ZSWIM5: variants seen among roughly 807,000 people sequenced by gnomAD.
ZSWIM5 encodes the protein zinc finger SWIM domain-containing protein 5.
ZSWIM5 carries 55 observed loss-of-function variants against 119.6 expected under a neutral mutation model. The ratio of observed to expected loss-of-function variants is 0.46; its 90% CI spans 0.37 to 0.58. The LOEUF (loss-of-function observed/expected upper bound fraction) is 0.58. Among genes scored for constraint, ZSWIM5 ranks in the 20% least tolerant of loss-of-function variants. ZSWIM5 has a pLI of 0.00. For synonymous variants in ZSWIM5, 537 were observed against 606.9 expected (o/e 0.88, Z 1.69); for missense variants, 1,193 against 1,512.8 (o/e 0.79, Z 3.51).
chr1:45,179,873 G>C (rs1646004541), intron 1 of ZSWIM5, among the ~76,000 whole-genome samples: 1 of 152,134 alleles, frequency 6.6e-6, no homozygotes, highest in African/African-American at 2.4e-5. Context: ...CCTTATAAGA[G>C]GGAGGCAAGA....
chr1:45,079,228 C>T lies in ZSWIM5; in HGVS notation c.952+8653G>A, dbSNP rs1570068685. 2.6e-5 allele frequency among the ~76,000 whole-genome samples: 4 copies of T among 151,956 alleles called. No homozygotes were observed. In the South Asian group the frequency reaches 8.3e-4, roughly 32 times the overall value. ...TACCTACCCAAATCTTATAAAACGG[C>T]CCCACCCCTATCTCCCTTCACTGAC... is the stretch of plus-strand genomic sequence containing the variant. On this transcript the variant is annotated intron_variant, in intron 2 of 13. Coordinates refer to ENST00000359600, the MANE Select transcript of ZSWIM5 (RefSeq NM_020883.2).
At chr1:45,091,878 A>C (rs557402209) in intron 1 of ZSWIM5, among the ~76,000 whole-genome samples, 41 of 152,122 alleles carry the variant, frequency 2.7e-4, no homozygotes, top group Admixed American at 4.6e-4. Context: ...TTATCTTAGT[A>C]GGATGTAAGG....
chr1:45,085,150 C>T (rs535035516), intron 2 of ZSWIM5, among the ~76,000 whole-genome samples: 1 of 152,374 alleles, frequency 6.6e-6, no homozygotes, highest in East Asian at 1.9e-4. Flanking sequence ...AGGCTTATGG[C>T]TTGCACCCTC....
At position 45,019,355 on chromosome 1, in the gene ZSWIM5, G is replaced by A. The variant is rs1456340870; in HGVS notation, c.2696-39C>T. The A allele has an allele frequency of 6.3e-7, 1 of 1,582,140 alleles. No homozygotes were observed. The highest frequency in any genetic ancestry group is 8.6e-7 in the Non-Finnish European group (1 of 1,167,852). ...CCTGAGCTCAGCCGTGGCCATCTGGGTCCTGATTCAGGTCTACCCAGATTA... is the reference window on the plus strand; with the variant it reads ...CCTGAGCTCAGCCGTGGCCATCTGGATCCTGATTCAGGTCTACCCAGATTA... On this transcript the variant is annotated intron_variant, in intron 13 of 13. Transcript: ENST00000359600. This position sits in a 1 kb window ranked among gnomAD's most constrained non-coding sequence, Gnocchi z 5.0.
intron 1 of ZSWIM5, among the ~76,000 whole-genome samples, chr1:45,142,026 T>C (rs935436003): frequency 2.6e-5 from 4 of 152,042 alleles, no homozygotes; most frequent in Non-Finnish European, 1.5e-5. Context: ...CAAGGCAACA[T>C]GGTGAAACTT....
At chr1:45,200,242 A>C (rs1646150853) in intron 1 of ZSWIM5, among the ~76,000 whole-genome samples, 1 of 152,222 alleles carries the variant, frequency 6.6e-6, no homozygotes, top group Non-Finnish European at 1.5e-5. Context: ...ATATGATTAC[A>C]AAAACTATCG....
At chr1:45,061,597 C>A (rs568466043) in intron 2 of ZSWIM5, among the ~76,000 whole-genome samples, 1 of 151,742 alleles carries the variant, frequency 6.6e-6, no homozygotes, top group South Asian at 2.1e-4. Flanking sequence ...TCTCAAACTC[C>A]TGGCCTCAAG....
At chr1:45,182,228 C>A (rs1384531235) in intron 1 of ZSWIM5, among the ~76,000 whole-genome samples, 2 of 151,878 alleles carry the variant, frequency 1.3e-5, no homozygotes, top group East Asian at 3.9e-4. Context: ...CACGGTGAAA[C>A]CCCGTCTCTA....
chr1:45,136,140 C>A (rs377598579), intron 1 of ZSWIM5, among the ~76,000 whole-genome samples: 1 of 151,952 alleles, frequency 6.6e-6, no homozygotes, highest in Non-Finnish European at 1.5e-5. Flanking sequence ...GGATTACAGG[C>A]GTGAGCCACT....
chr1:45,121,216 G>T (rs12124925), intron 1 of ZSWIM5, among the ~76,000 whole-genome samples: 1 of 152,112 alleles, frequency 6.6e-6, no homozygotes, highest in East Asian at 1.9e-4. Context: ...CTCCCAAAGT[G>T]TTCGGATTAC....
chr1:45,131,340 T>C (rs1055170719), intron 1 of ZSWIM5, among the ~76,000 whole-genome samples: 11 of 152,174 alleles, frequency 7.2e-5, no homozygotes, highest in African/African-American at 2.4e-4. Context: ...AAAAAACATA[T>C]AATGCTTATA....
intron 1 of ZSWIM5, among the ~76,000 whole-genome samples, chr1:45,180,214 C>T (rs1329744387): frequency 6.6e-6 from 1 of 152,126 alleles, no homozygotes; most frequent in Non-Finnish European, 1.5e-5. Context: ...CCTGGAAAAT[C>T]GGGCCACTCC....
At chr1:45,159,029 T>C (rs1259214667) in intron 1 of ZSWIM5, among the ~76,000 whole-genome samples, 1 of 152,206 alleles carries the variant, frequency 6.6e-6, no homozygotes, top group Non-Finnish European at 1.5e-5. Context: ...AATGACATGC[T>C]ACTGCAAATA....
chr1:45,162,863 T>C (rs570211794), intron 1 of ZSWIM5, among the ~76,000 whole-genome samples: 12 of 152,348 alleles, frequency 7.9e-5, no homozygotes, highest in African/African-American at 2.9e-4. Context: ...CAAGGAGGCC[T>C]GCCTGCCTCT....
rs1301143970 is a variant in ZSWIM5, at chr1:45,087,759, C to T, written c.952+122G>A. On this transcript the variant is annotated intron_variant, in intron 2 of 13. Transcript: ENST00000359600. ...AATGATTAAAGTTAAGTGATTGCAA[C>T]TGCAGAAATATCCCAACCTCTTAAC... 4.2e-6 allele frequency: 3 copies of T among 715,338 alleles called. No individual in the cohort carries two copies. The East Asian group carries it at 7.4e-5, about 18-fold the overall frequency. 44.3% of individuals were successfully genotyped at this position (715,338 alleles called of 1,614,324 possible).
chr1:45,088,029 G>A lies in ZSWIM5; in HGVS notation c.804C>T (p.Ile268=). ...KPDQVKLRLP[I]SETLFQMNRD... is the part of the protein sequence containing the mutation. ...TATTCATCTGGAAAAGGGTTTCGGAGATAGGAAGACGCAATTTGACTTGGT... is the reference window on the plus strand; with the variant it reads ...TATTCATCTGGAAAAGGGTTTCGGAAATAGGAAGACGCAATTTGACTTGGT... Residue 268 remains isoleucine (I), a synonymous_variant, in exon 2 of 14, where the codon ATC becomes ATT. Transcript: ENST00000359600. The surrounding 1 kb of genome is among the most constrained non-coding windows in gnomAD (Gnocchi z 4.2). 1 of 1,614,206 alleles carries A rather than the reference G, an allele frequency of 6.2e-7. No homozygotes were observed. The highest frequency in any genetic ancestry group is 1.1e-5 in the South Asian group (1 of 91,084).
intron 1 of ZSWIM5, among the ~76,000 whole-genome samples, chr1:45,151,747 A>G (rs937153803): frequency 2.6e-5 from 4 of 151,854 alleles, no homozygotes; most frequent in Admixed American, 2.0e-4. Flanking sequence ...AAAAAGGAAC[A>G]TGTTTTCTGT....
chr1:45,073,735 C>A (rs1187262220), intron 2 of ZSWIM5, among the ~76,000 whole-genome samples: 1 of 151,768 alleles, frequency 6.6e-6, no homozygotes, highest in Non-Finnish European at 1.5e-5. Context: ...TCTCTCTCTT[C>A]TTTGCTTGCT....
chr1:45,162,209 G>T (rs867612954), intron 1 of ZSWIM5, among the ~76,000 whole-genome samples: 58 of 152,334 alleles, frequency 3.8e-4, no homozygotes, highest in African/African-American at 1.3e-3. Context: ...AAAGATTAAA[G>T]CTGGGCATGG....
Sources: allele counts gnomAD v4.1 joint callset (sites outside exome capture counted in the v4.1 genomes callset), GRCh38; gene constraint gnomAD v4.1.1; non-coding constraint Gnocchi (gnomAD v3.1); transcripts MANE v1.5; gene names NCBI Gene and HGNC (gene_info 2026-07-23, HGNC 2026-07-21).